The following RFX4 variants were observed in gnomAD, a reference collection of about 807,000 sequenced individuals.
The protein encoded by RFX4 is regulatory factor X4.
Under a neutral mutation model 95.0 loss-of-function variants are expected in RFX4, and 10 were observed. The ratio of observed to expected loss-of-function variants is 0.11; its 90% CI spans 0.06 to 0.18. RFX4 has a LOEUF of 0.18. Ranked by LOEUF, RFX4 falls within the 10% of genes least tolerant of loss-of-function variation. The pLI, the probability that RFX4 is intolerant of heterozygous loss-of-function variation, is 1.00. For synonymous variants in RFX4, 321 were observed against 340.7 expected (o/e 0.94, Z 0.64); for missense variants, 640 against 922.0 (o/e 0.69, Z 3.96).
rs540616126 is a variant in RFX4, at chr12:106,720,337, T to C, written c.1233+283T>C. 2.0e-5 allele frequency among the ~76,000 whole-genome samples: 3 copies of C among 152,362 alleles called. No individual in the cohort carries two copies. The highest frequency in any genetic ancestry group is 4.4e-5 in the Non-Finnish European group (3 of 68,034). ...AAACAAAACAAAAACCATTGCTCCA[T>C]AGCATTGACTTTGAAGACCATAAGC... On this transcript the variant is annotated intron_variant, in intron 12 of 17. Transcript: ENST00000392842. The surrounding 1 kb of genome is among the most constrained non-coding windows in gnomAD (Gnocchi z 4.2).
At chr12:106,708,360 GAGA>G (rs1385516204) in intron 8 of RFX4, among the ~76,000 whole-genome samples, 1 of 151,028 alleles carries the variant, frequency 6.6e-6, no homozygotes, top group Non-Finnish European at 1.5e-5. Flanking sequence ...TTTTTTCCCT[GAGA>G]AGTAGGAGGT....
At chr12:106,754,824 C>A (rs10861660) in intron 17 of RFX4, among the ~76,000 whole-genome samples, 48 of 152,128 alleles carry the variant, frequency 3.2e-4, no homozygotes, top group African/African-American at 1.1e-3. Flanking sequence ...GACTCTTAGA[C>A]GAGTGCCTCT....
At chr12:106,683,469 A>C (rs2041566732) in intron 5 of RFX4, 1 of 79,048 alleles carries the variant, frequency 1.3e-5, no homozygotes, top group South Asian at 4.1e-4. Context: ...CTATTCTGAA[A>C]AAAAAAAAAA....
At chr12:106,704,262 G>A (rs1048462309) in intron 8 of RFX4, among the ~76,000 whole-genome samples, 1 of 152,086 alleles carries the variant, frequency 6.6e-6, no homozygotes, top group African/African-American at 2.4e-5. Flanking sequence ...CATAAGATAA[G>A]CATGCTCCCT....
chr12:106,651,161 C>T (rs2040849862), intron 3 of RFX4, among the ~76,000 whole-genome samples: 1 of 152,096 alleles, frequency 6.6e-6, no homozygotes, highest in African/African-American at 2.4e-5. Context: ...TCAGCATCTC[C>T]ATCATTAAAA....
chr12:106,710,664 G>A (rs1269154002), intron 9 of RFX4, among the ~76,000 whole-genome samples: 2 of 152,216 alleles, frequency 1.3e-5, no homozygotes, highest in Admixed American at 6.5e-5. Flanking sequence ...AAGGAGGTTT[G>A]TTGGACCTTC....
At chr12:106,596,435 G>A (rs541613901) in intron 1 of RFX4, among the ~76,000 whole-genome samples, 2 of 152,280 alleles carry the variant, frequency 1.3e-5, no homozygotes, top group South Asian at 2.1e-4. Context: ...CCAGTCTCAG[G>A]TATGTCTTTA....
chr12:106,638,277 G>A (rs1389568072), intron 2 of RFX4, among the ~76,000 whole-genome samples: 1 of 152,040 alleles, frequency 6.6e-6, no homozygotes. Context: ...GAAAGTGCTG[G>A]GATTACAGAT....
intron 4 of RFX4, among the ~76,000 whole-genome samples, chr12:106,668,529 G>A (rs1194492047): frequency 1.3e-5 from 2 of 152,136 alleles, no homozygotes; most frequent in Non-Finnish European, 2.9e-5. Context: ...TCCTGAGTTC[G>A]AGTCCAGCCT....
At chr12:106,748,505 G>C (rs1213069816) in intron 16 of RFX4, among the ~76,000 whole-genome samples, 1 of 152,180 alleles carries the variant, frequency 6.6e-6, no homozygotes, top group Non-Finnish European at 1.5e-5. Context: ...AATACGTGGA[G>C]TGATGTTGCT....
At chr12:106,700,336 T>C (rs1400552912) in intron 8 of RFX4, among the ~76,000 whole-genome samples, 1 of 152,120 alleles carries the variant, frequency 6.6e-6, no homozygotes, top group Non-Finnish European at 1.5e-5. Context: ...CTGGCCATGA[T>C]TGTCTTTTTA....
At chr12:106,668,039 C>T (rs185009826) in intron 4 of RFX4, among the ~76,000 whole-genome samples, 13 of 152,274 alleles carry the variant, frequency 8.5e-5, no homozygotes, top group African/African-American at 2.9e-4. Flanking sequence ...ATGTCCCCCC[C>T]ATGCCTCAAT....
rs757842230 is a variant in RFX4, at chr12:106,696,322, C to T, written c.709C>T (p.Pro237Ser). 6.2e-7 allele frequency: 1 copy of T among 1,614,182 alleles called. No homozygotes were observed. Among genetic ancestry groups the T allele is most frequent in the South Asian group, 1.1e-5 (1 of 91,072 alleles). The part of the protein sequence containing the change: ...FLLHFWQGMP[P>S]HMLPVLGSST... ...TCTGCACTTTTGGCAAGGAATGCCG[C>T]CCCACATGCTGCCTGTGCTGGGCTC... Residue 237 changes from proline to serine, a missense_variant, in exon 8 of 18, where the codon CCC becomes TCC. Physicochemically the swap from Pro to Ser is moderately conservative, Grantham distance 74. This residue lies in a region of RFX4 where 96 missense variants were observed against 183.7 expected (regional missense o/e 0.52). Transcript: ENST00000392842.
intron 1 of RFX4, among the ~76,000 whole-genome samples, chr12:106,594,797 G>A (rs1366414914): frequency 1.8e-5 from 2 of 111,696 alleles, no homozygotes; most frequent in African/African-American, 6.1e-5. Flanking sequence ...GGTATTGAGA[G>A]GGATTAAAAA....
rs1302538392 is a variant in RFX4 at position 106,674,334 on chromosome 12, C to CA, written c.316-7659_316-7658insA. Among the ~76,000 whole-genome samples, 230 of 144,928 alleles carry CA rather than the reference C, an allele frequency of 1.6e-3. 2 individuals are homozygous for CA. The highest frequency in any genetic ancestry group is 3.0e-3 in the Non-Finnish European group (198 of 65,540). Reference sequence around the variant, plus strand: ...TAACATCCCCACCTCCATTTTCTTTCTTTTTTTTTTTTCCAAGACAGAGTC... The same window carrying CA: ...TAACATCCCCACCTCCATTTTCTTTCATTTTTTTTTTTTCCAAGACAGAGTC... On this transcript the variant is annotated intron_variant, in intron 4 of 17. Transcript: ENST00000392842.
chr12:106,617,197 A>T (rs1039454984), intron 2 of RFX4, among the ~76,000 whole-genome samples: 1 of 151,982 alleles, frequency 6.6e-6, no homozygotes, highest in East Asian at 1.9e-4. Context: ...CAAAGGTCCA[A>T]CTTTTGGGTT....
intron 7 of RFX4, among the ~76,000 whole-genome samples, chr12:106,692,595 T>C (rs993763638): frequency 6.6e-6 from 1 of 152,166 alleles, no homozygotes; most frequent in South Asian, 2.1e-4. Flanking sequence ...GGAAATCATC[T>C]CCTAGTACTT....
intron 16 of RFX4, among the ~76,000 whole-genome samples, chr12:106,748,647 T>G (rs2042939465): frequency 6.6e-6 from 1 of 152,168 alleles, no homozygotes; most frequent in Admixed American, 6.5e-5. Flanking sequence ...AAAGCACTTA[T>G]GATATTAACA....
chr12:106,595,541 C>T (rs1361244962), intron 1 of RFX4, among the ~76,000 whole-genome samples: 1 of 152,164 alleles, frequency 6.6e-6, no homozygotes, highest in African/African-American at 2.4e-5. Context: ...GTGTGCCTTT[C>T]ATCTCAAATC....
Sources: allele counts gnomAD v4.1 joint callset (sites outside exome capture counted in the v4.1 genomes callset), GRCh38; gene constraint gnomAD v4.1.1; regional missense constraint gnomAD v4.1.1; non-coding constraint Gnocchi (gnomAD v3.1); transcripts MANE v1.5; gene names NCBI Gene and HGNC (gene_info 2026-07-23, HGNC 2026-07-21).